The following DPYD variants were observed in gnomAD, a reference collection of about 807,000 sequenced individuals.
The protein encoded by DPYD is dihydropyrimidine dehydrogenase [NADP(+)].
DPYD carries 109 observed loss-of-function variants against 116.2 expected under a neutral mutation model. The ratio of observed to expected loss-of-function variants is 0.94; its 90% CI spans 0.80 to 1.10. DPYD has a LOEUF of 1.10. DPYD is among the 50% of genes least tolerant of loss of function. The pLI is 0.00. For missense variants in DPYD, 1,302 were observed against 1,254.5 expected (o/e 1.04, Z -0.57); for synonymous variants, 440 against 432.0 (o/e 1.02, Z -0.23).
intron 2 of DPYD, among the ~76,000 whole-genome samples, chr1:97,872,578 G>A (rs1009756151): frequency 6.6e-6 from 1 of 151,894 alleles, no homozygotes; most frequent in Non-Finnish European, 1.5e-5. Flanking sequence ...TCTGCCTGGA[G>A]AATAAATCTC....
intron 19 of DPYD, among the ~76,000 whole-genome samples, chr1:97,206,660 ATATATATATATATATATATATATATAT>A (rs1557938132): frequency 2.7e-5 from 3 of 112,520 alleles, no homozygotes; most frequent in South Asian, 2.9e-4. Context: ...ATATATATAT[ATATATATATATATATATATATATATAT>A]AATCTATATG....
chr1:97,192,923 C>G (rs1658477832), intron 20 of DPYD, 146 bp downstream of exon 20: 2 of 845,156 alleles, frequency 2.4e-6, no homozygotes, highest in Non-Finnish European at 3.9e-6. Flanking sequence ...GTAATCAAGT[C>G]TCCTTCAGAA....
chr1:97,695,811 C>T (rs1243239802), intron 6 of DPYD, among the ~76,000 whole-genome samples: 2 of 152,088 alleles, frequency 1.3e-5, no homozygotes, highest in East Asian at 1.9e-4. Context: ...AAGATAACTG[C>T]TTGGAAGCTA....
intron 11 of DPYD, among the ~76,000 whole-genome samples, chr1:97,556,722 A>G (rs1165199017): frequency 2.0e-5 from 3 of 149,310 alleles, no homozygotes; most frequent in Admixed American, 6.6e-5. Context: ...TCCATGGTGT[A>G]TATGTGCCAC....
In DPYD at chr1:97,760,427, A is replaced by G. The variant is rs181856428; in HGVS notation, c.234-19948T>C. Among the ~76,000 whole-genome samples, 376 of 152,210 alleles carry G rather than the reference A, an allele frequency of 2.5e-3. 2 individuals carry two copies. The highest frequency in any genetic ancestry group is 0.011 in the South Asian group (52 of 4,830). Reference sequence around the variant, plus strand: ...TCAAAAATAAATTTCAAAAAATAAAAAATAGCAATACAACAATAAAAATAA... The same window carrying G: ...TCAAAAATAAATTTCAAAAAATAAAGAATAGCAATACAACAATAAAAATAA... On this transcript the variant is annotated intron_variant, in intron 3 of 22. Transcript: ENST00000370192.
intron 3 of DPYD, among the ~76,000 whole-genome samples, chr1:97,787,589 TTAAA>T: frequency 6.6e-6 from 1 of 152,238 alleles, no homozygotes; most frequent in Middle Eastern, 3.4e-3. Context: ...GGCACACCAT[TTAAA>T]ATAATGATCC....
At chr1:97,914,379 C>T (rs1017715573) in intron 1 of DPYD, among the ~76,000 whole-genome samples, 30 of 152,130 alleles carry the variant, frequency 2.0e-4, no homozygotes, top group Admixed American at 7.2e-4. Context: ...GATGAGTTTA[C>T]TCCAGTTAGC....
intron 9 of DPYD, 85 bp downstream of exon 9, chr1:97,594,974 G>T (rs1654777164): frequency 3.5e-5 from 33 of 954,614 alleles, no homozygotes; most frequent in East Asian, 1.4e-4. Flanking sequence ...GCTGAACAAT[G>T]TGCTGCTGAG....
At chr1:97,234,200 G>A (rs935240340) in intron 19 of DPYD, among the ~76,000 whole-genome samples, 1 of 152,076 alleles carries the variant, frequency 6.6e-6, no homozygotes, top group Admixed American at 6.5e-5. Flanking sequence ...ATGCTAAAAT[G>A]TGCTGACAGT....
At chr1:97,191,495 T>C (rs1380677016) in intron 20 of DPYD, among the ~76,000 whole-genome samples, 1 of 152,198 alleles carries the variant, frequency 6.6e-6, no homozygotes, top group Non-Finnish European at 1.5e-5. Flanking sequence ...ACGATTTTGA[T>C]GAAAGCTGAG....
At chr1:97,831,649 C>T (rs1171682906) in intron 2 of DPYD, among the ~76,000 whole-genome samples, 1 of 151,872 alleles carries the variant, frequency 6.6e-6, no homozygotes, top group Non-Finnish European at 1.5e-5. Flanking sequence ...CAAGTGCCTC[C>T]TAATTTCCTT....
chr1:97,114,960 G>C (rs780893963), intron 20 of DPYD, among the ~76,000 whole-genome samples: 1 of 152,062 alleles, frequency 6.6e-6, no homozygotes, highest in Non-Finnish European at 1.5e-5. Context: ...CCTTCTGATC[G>C]CATAGGATTT....
At chr1:97,739,396 C>G (rs968204027) in intron 4 of DPYD, among the ~76,000 whole-genome samples, 2 of 152,038 alleles carry the variant, frequency 1.3e-5, no homozygotes, top group Non-Finnish European at 2.9e-5. Context: ...AGCGGTTTAT[C>G]TAAAAATTCA....
At chr1:97,211,044 T>C (rs1398223394) in intron 19 of DPYD, among the ~76,000 whole-genome samples, 2 of 152,200 alleles carry the variant, frequency 1.3e-5, no homozygotes, top group Non-Finnish European at 2.9e-5. Flanking sequence ...ACAGCTAAGA[T>C]GATTATTTAA....
chr1:97,133,382 CTT>C (rs1570519229), intron 20 of DPYD, among the ~76,000 whole-genome samples: 1 of 151,916 alleles, frequency 6.6e-6, no homozygotes, highest in Admixed American at 6.6e-5. Flanking sequence ...GAAAAAATAA[CTT>C]TTTTCTCTAA....
At chr1:97,762,788 C>T (rs1665649264) in intron 3 of DPYD, among the ~76,000 whole-genome samples, 1 of 152,042 alleles carries the variant, frequency 6.6e-6, no homozygotes, top group Admixed American at 6.6e-5. Flanking sequence ...TTTCAAAGAA[C>T]TGTCAAATCA....
intron 20 of DPYD, among the ~76,000 whole-genome samples, chr1:97,156,056 T>C (rs1390829044): frequency 6.6e-6 from 1 of 152,208 alleles, no homozygotes; most frequent in East Asian, 1.9e-4. Context: ...AGCATTGATC[T>C]AGATAATTCC....
intron 1 of DPYD, among the ~76,000 whole-genome samples, chr1:97,906,643 A>C (rs1411978700): frequency 6.6e-6 from 1 of 152,110 alleles, no homozygotes; most frequent in Non-Finnish European, 1.5e-5. Flanking sequence ...CCCCCAGTGG[A>C]TGTCTGAAAC....
chr1:97,595,419 T>A (rs1215988455), intron 8 of DPYD, among the ~76,000 whole-genome samples: 7 of 152,008 alleles, frequency 4.6e-5, no homozygotes, highest in African/African-American at 1.4e-4. Context: ...TATGGAAACA[T>A]ATGTATATAC....
Sources: gnomAD v4.1 joint callset for allele counts (sites outside exome capture counted in the v4.1 genomes callset) on GRCh38, gnomAD v4.1.1 for gene constraint, MANE v1.5 for transcripts, NCBI Gene and HGNC (gene_info 2026-07-23, HGNC 2026-07-21) for gene names.